Variants in OSBPL2 observed in about 807,000 individuals in gnomAD.
The protein encoded by OSBPL2 is oxysterol binding protein like 2.
Under a neutral mutation model 58.4 loss-of-function variants are expected in OSBPL2, and 18 were observed. The observed-to-expected ratio is 0.31, with a 90% CI of 0.21 to 0.46. The LOEUF (loss-of-function observed/expected upper bound fraction) is 0.46, where lower values mean the gene tolerates loss of function less well. OSBPL2 is among the 20% of genes least tolerant of loss of function. The pLI, the probability that OSBPL2 is intolerant of heterozygous loss-of-function variation, is 1.00. For missense variants in OSBPL2, 461 were observed against 616.5 expected (o/e 0.75, Z 2.67); for synonymous variants, 221 against 234.1 (o/e 0.94, Z 0.51).
chr20:62,273,829 A>G (rs1982222779), intron 6 of OSBPL2, among the ~76,000 whole-genome samples: 1 of 152,238 alleles, frequency 6.6e-6, no homozygotes, highest in Non-Finnish European at 1.5e-5. Context: ...ATCCAAACAC[A>G]GGAATGATTG....
At chr20:62,254,621 G>T (rs1980797283) in intron 1 of OSBPL2, among the ~76,000 whole-genome samples, 1 of 152,382 alleles carries the variant, frequency 6.6e-6, no homozygotes, top group African/African-American at 2.4e-5. Context: ...CAGGGCTGCG[G>T]GATGAGCCGC....
At chr20:62,271,820 G>A in intron 4 of OSBPL2, 3 of 322,404 alleles carry the variant, frequency 9.3e-6, no homozygotes, top group South Asian at 4.9e-5. Context: ...GTGGGCCCAA[G>A]AGCCCTTGTG....
chr20:62,263,599 C>G lies in OSBPL2; in HGVS notation c.183-17C>G, dbSNP rs1330454930. 6.2e-7 allele frequency: 1 copy of G among 1,610,664 alleles called. No homozygotes were observed. Among genetic ancestry groups the G allele is most frequent in the South Asian group, 1.1e-5 (1 of 91,026 alleles). ...TGTGTTGAATTCACCCACACGCACC[C>G]CTTTTGTGCTTCGCAGGACATCGCT... On this transcript the variant is annotated splice_polypyrimidine_tract_variant and intron_variant, in intron 3 of 13. Coordinates refer to ENST00000313733, the MANE Select transcript of OSBPL2 (RefSeq NM_144498.4).
chr20:62,255,877 G>A (rs1247195238), intron 1 of OSBPL2, among the ~76,000 whole-genome samples, 180 bp from the exon 2 acceptor site: 1 of 152,208 alleles, frequency 6.6e-6, no homozygotes, highest in Non-Finnish European at 1.5e-5. Flanking sequence ...TTGATCTTCC[G>A]TTATAAATGC....
chr20:62,286,853 C>G (rs981903096), intron 11 of OSBPL2, 142 bp downstream of exon 11: 8 of 994,082 alleles, frequency 8.0e-6, no homozygotes, highest in Middle Eastern at 6.6e-4. Flanking sequence ...ACAGGGGCCT[C>G]CGCCATTGTC....
intron 6 of OSBPL2, among the ~76,000 whole-genome samples, chr20:62,273,842 A>T (rs1047937783): frequency 6.6e-6 from 1 of 152,224 alleles, no homozygotes; most frequent in African/African-American, 2.4e-5. Flanking sequence ...AATGATTGCA[A>T]AGAGGAGCTT....
intron 1 of OSBPL2, among the ~76,000 whole-genome samples, chr20:62,246,386 C>T (rs1039009852): frequency 1.3e-5 from 2 of 152,242 alleles, no homozygotes; most frequent in Non-Finnish European, 2.9e-5. Flanking sequence ...TTTCCAGTGC[C>T]ATGGGAGAGT....
In OSBPL2 at chr20:62,283,310, C is replaced by T. The variant is rs553124007; in HGVS notation, c.873-736C>T. Among the ~76,000 whole-genome samples, 32 of 152,298 alleles carry T rather than the reference C, an allele frequency of 2.1e-4. No homozygotes were observed. In the South Asian group the frequency reaches 3.5e-3, roughly 17 times the overall value. ...AGGTGAGGCCTGGCCCAGTTCCCCG[C>T]GTCTGTGTGCTGGCTCTGCAGGCAC... On this transcript the variant is annotated intron_variant, in intron 9 of 13. Transcript: ENST00000313733.
chr20:62,272,877 CAG>C (rs1982154837), intron 5 of OSBPL2, among the ~76,000 whole-genome samples: 1 of 152,186 alleles, frequency 6.6e-6, no homozygotes, highest in African/African-American at 2.4e-5. Flanking sequence ...GCCTGGGTGA[CAG>C]AGTGAGACCC....
At chr20:62,293,685 A>T in intron 13 of OSBPL2, 100 bp from the exon 14 acceptor site, 1 of 977,982 alleles carries the variant, frequency 1.0e-6, no homozygotes, top group Non-Finnish European at 1.5e-6. Flanking sequence ...CGTTACCGTG[A>T]TGGTGCTGAG....
chr20:62,261,150 T>C (rs1161108398), intron 3 of OSBPL2, among the ~76,000 whole-genome samples: 1 of 151,832 alleles, frequency 6.6e-6, no homozygotes, highest in African/African-American at 2.4e-5. Context: ...ACCCCATCTC[T>C]ACTAAAATAC....
intron 12 of OSBPL2, among the ~76,000 whole-genome samples, 163 bp downstream of exon 12, chr20:62,289,493 T>C: frequency 6.6e-6 from 1 of 152,244 alleles, no homozygotes; most frequent in East Asian, 1.9e-4. Context: ...CTAACTAGGC[T>C]TCTCAGACCG....
chr20:62,261,844 T>C (rs1226568923), intron 3 of OSBPL2, among the ~76,000 whole-genome samples: 1 of 152,178 alleles, frequency 6.6e-6, no homozygotes, highest in East Asian at 1.9e-4. Context: ...CGGAAACCTC[T>C]GCCTCCCAGG....
rs78792361 is a variant in OSBPL2 at position 62,291,190 on chromosome 20, C to T, written c.1250-513C>T. 8.1e-3 allele frequency: 1,571 copies of T among 193,558 alleles called. 36 individuals carry two copies. Among genetic ancestry groups the T allele is most frequent in the African/African-American group, 0.035 (1,495 of 42,208 alleles). 12.0% of individuals were successfully genotyped at this position (193,558 alleles called of 1,614,324 possible). A position where few individuals can be genotyped will look rare whatever the true frequency, so the allele number is the denominator to read the frequency against. On this transcript the variant is annotated intron_variant, in intron 12 of 13. Transcript: ENST00000313733. ...ATTAGTGATGTTTTCAGAGAGAAAC[C>T]CAGCTCACGAGTGTGACCTGGGAAT...
At chr20:62,266,657 G>C (rs1981684622) in intron 4 of OSBPL2, among the ~76,000 whole-genome samples, 2 of 151,990 alleles carry the variant, frequency 1.3e-5, no homozygotes, top group South Asian at 4.1e-4. Context: ...CTTTCTGTTT[G>C]GTCCACACCC....
At chr20:62,279,883 C>T (rs533556498) in intron 7 of OSBPL2, 12 of 1,168,228 alleles carry the variant, frequency 1.0e-5, no homozygotes, top group Admixed American at 4.9e-5. Context: ...TTTGCACACT[C>T]CCCCACCCTG....
intron 3 of OSBPL2, among the ~76,000 whole-genome samples, chr20:62,260,503 C>T (rs1176741021): frequency 1.3e-5 from 2 of 152,148 alleles, no homozygotes; most frequent in Non-Finnish European, 2.9e-5. Context: ...TACAGATCTG[C>T]CTGCTTTTCC....
intron 12 of OSBPL2, chr20:62,291,473 C>T: frequency 5.4e-6 from 3 of 552,280 alleles, no homozygotes; most frequent in Non-Finnish European, 9.9e-6. Context: ...ACACGCAGCA[C>T]ATGCAGCCCC....
chr20:62,260,922 C>T (rs1011687748), intron 3 of OSBPL2, among the ~76,000 whole-genome samples: 1 of 151,926 alleles, frequency 6.6e-6, no homozygotes, highest in African/African-American at 2.4e-5. Context: ...CCCAGAAGTT[C>T]GAGGCTATGG....
Sources: allele counts gnomAD v4.1 joint callset (sites outside exome capture counted in the v4.1 genomes callset), GRCh38; gene constraint gnomAD v4.1.1; transcripts MANE v1.5; gene names NCBI Gene and HGNC (gene_info 2026-07-23, HGNC 2026-07-21).